ZNF423: variants seen among roughly 807,000 people sequenced by gnomAD.
ZNF423 encodes the protein zinc finger protein 423, also known as Ebf-associated zinc finger protein.
A neutral mutation model predicts 95.8 loss-of-function variants in ZNF423; 12 were observed. That is an observed-to-expected ratio of 0.13 (90% CI 0.08 to 0.20). The LOEUF (loss-of-function observed/expected upper bound fraction) is 0.20. ZNF423 is among the 10% of genes least tolerant of loss of function. The pLI is 1.00. For synonymous variants in ZNF423, 749 were observed against 711.9 expected (o/e 1.05, Z -0.83); for missense variants, 1,316 against 1,737.1 (o/e 0.76, Z 4.31).
chr16:49,671,809 T>G (rs575724207), intron 3 of ZNF423, among the ~76,000 whole-genome samples: 1 of 152,244 alleles, frequency 6.6e-6, no homozygotes, highest in South Asian at 2.1e-4. Context: ...CTTAGCCTCC[T>G]GAGTAGCTGG....
intron 2 of ZNF423, among the ~76,000 whole-genome samples, chr16:49,775,972 G>A (rs1184125457): frequency 2.6e-5 from 4 of 152,300 alleles, no homozygotes; most frequent in Admixed American, 2.0e-4. Context: ...AATCCCAAAT[G>A]AATTAATTAA....
At chr16:49,529,360 C>A (rs1968751885) in intron 5 of ZNF423, among the ~76,000 whole-genome samples, 1 of 151,904 alleles carries the variant, frequency 6.6e-6, no homozygotes, top group African/African-American at 2.4e-5. Flanking sequence ...AACAAACAAC[C>A]CGCCAAGCAG....
At chr16:49,672,354 G>A (rs1044343464) in intron 3 of ZNF423, among the ~76,000 whole-genome samples, 2 of 152,156 alleles carry the variant, frequency 1.3e-5, no homozygotes, top group African/African-American at 4.8e-5. Flanking sequence ...AGGTACTATT[G>A]CTACTCTTGC....
At chr16:49,792,131 A>G (rs1402001568) in intron 1 of ZNF423, among the ~76,000 whole-genome samples, 1 of 150,864 alleles carries the variant, frequency 6.6e-6, no homozygotes, top group Non-Finnish European at 1.5e-5. Flanking sequence ...TCTTTTATTG[A>G]TTTAGTCATC....
chr16:49,639,867 CG>C (rs1487607992), intron 3 of ZNF423, among the ~76,000 whole-genome samples: 1 of 152,184 alleles, frequency 6.6e-6, no homozygotes, highest in Non-Finnish European at 1.5e-5. Flanking sequence ...AAGGGTAGGC[CG>C]TTTCTGGGAA....
intron 1 of ZNF423, among the ~76,000 whole-genome samples, chr16:49,848,767 T>C (rs1429433849): frequency 6.6e-6 from 1 of 152,154 alleles, no homozygotes; most frequent in Non-Finnish European, 1.5e-5. Context: ...AATAATAACT[T>C]CGGGGGCCCA....
At chr16:49,610,221 T>C (rs777950331) in intron 5 of ZNF423, among the ~76,000 whole-genome samples, 18 of 152,136 alleles carry the variant, frequency 1.2e-4, no homozygotes, top group Admixed American at 2.6e-4. Flanking sequence ...GAGGAAATGA[T>C]TGGAACATTA....
intron 3 of ZNF423, among the ~76,000 whole-genome samples, chr16:49,649,638 T>TACAC (rs58838858): frequency 0.036 from 5,048 of 140,314 alleles, 322 homozygotes; most frequent in East Asian, 0.25. Context: ...TGCTTTGAAG[T>TACAC]ACACACACAC....
chr16:49,760,292 T>A, intron 2 of ZNF423, among the ~76,000 whole-genome samples: 1 of 104,594 alleles, frequency 9.6e-6, no homozygotes, highest in Non-Finnish European at 1.8e-5. Flanking sequence ...GATGGGTTGA[T>A]GAATGGATGG....
intron 5 of ZNF423, among the ~76,000 whole-genome samples, chr16:49,571,443 G>A (rs1455762299): frequency 6.6e-6 from 1 of 152,058 alleles, no homozygotes. Flanking sequence ...GTCTTGGCAG[G>A]TCTGACACGT....
At chr16:49,680,392 T>C in intron 3 of ZNF423, among the ~76,000 whole-genome samples, 1 of 152,236 alleles carries the variant, frequency 6.6e-6, no homozygotes, top group East Asian at 1.9e-4. Context: ...AAGAACTTGG[T>C]ACGTGCTGAA....
intron 3 of ZNF423, among the ~76,000 whole-genome samples, chr16:49,661,987 T>C (rs1161738641): frequency 3.3e-5 from 5 of 152,190 alleles, no homozygotes; most frequent in Admixed American, 3.3e-4. Context: ...GCCTGGTACA[T>C]GGCACATGCT....
rs138635168 is a variant in ZNF423 at position 49,499,749 on chromosome 16, G to A, written c.3850-8445C>T. Among the ~76,000 whole-genome samples the A allele has an allele frequency of 7.9e-5, 12 of 152,288 alleles. No individual in the cohort carries two copies. The East Asian group carries it at 2.3e-3, about 29-fold the overall frequency. On this transcript the variant is annotated intron_variant, in intron 7 of 7. Transcript: ENST00000563137. ...GGAAACTCTTCCCTCGCATGAAAAC[G>A]TGGGAGAAAATATTGTGGGGAAGAA...
chr16:49,666,645 A>C (rs569478522), intron 3 of ZNF423, among the ~76,000 whole-genome samples: 5 of 152,290 alleles, frequency 3.3e-5, no homozygotes, highest in African/African-American at 9.6e-5. Context: ...ACACAAGTAC[A>C]TGTGCACACA....
At chr16:49,615,855 G>A (rs751168625) in intron 5 of ZNF423, among the ~76,000 whole-genome samples, 13 of 152,160 alleles carry the variant, frequency 8.5e-5, no homozygotes, top group African/African-American at 2.7e-4. Context: ...TGTTCAGGTC[G>A]GTGGGCAGCC....
intron 4 of ZNF423, among the ~76,000 whole-genome samples, chr16:49,630,924 GAC>G (rs1162909490): frequency 6.6e-6 from 1 of 151,900 alleles, no homozygotes; most frequent in Admixed American, 6.6e-5. Flanking sequence ...ATACACACAA[GAC>G]ACACACACAG....
intron 5 of ZNF423, among the ~76,000 whole-genome samples, chr16:49,618,291 A>G (rs1971943871): frequency 1.3e-5 from 2 of 152,202 alleles, no homozygotes; most frequent in African/African-American, 4.8e-5. Context: ...ATATGGAAAG[A>G]AGGGCCTGGT....
At chr16:49,815,900 ATATATATATATATATTTTTTTTTTTTT>A (rs1283771391) in intron 1 of ZNF423, among the ~76,000 whole-genome samples, 1 of 46,028 alleles carries the variant, frequency 2.2e-5, no homozygotes, top group Non-Finnish European at 4.0e-5. Flanking sequence ...ATATATATAT[ATATATATATATATATTTTTTTTTTTTT>A]TTTTTTTTTG....
At chr16:49,541,509 C>T (rs1266000381) in intron 5 of ZNF423, among the ~76,000 whole-genome samples, 3 of 152,220 alleles carry the variant, frequency 2.0e-5, no homozygotes, top group African/African-American at 2.4e-5. Context: ...GAAGGACACA[C>T]ATTAAGGTGT....
Sources: allele counts gnomAD v4.1 joint callset (sites outside exome capture counted in the v4.1 genomes callset), GRCh38; gene constraint gnomAD v4.1.1; transcripts MANE v1.5; gene names NCBI Gene and HGNC (gene_info 2026-07-23, HGNC 2026-07-21).